The following OLA1 variants were observed in gnomAD, a reference collection of about 807,000 sequenced individuals.
The protein encoded by OLA1 is obg-like ATPase 1.
A neutral mutation model predicts 48.4 loss-of-function variants in OLA1; 14 were observed. The observed-to-expected ratio is 0.29, with a 90% CI of 0.19 to 0.45. The LOEUF is 0.45. Ranked by LOEUF, OLA1 falls within the 20% of genes least tolerant of loss-of-function variation. The pLI is 1.00. For synonymous variants in OLA1, 127 were observed against 150.4 expected (o/e 0.84, Z 1.14); for missense variants, 325 against 467.1 (o/e 0.70, Z 2.80).
At chr2:174,187,558 G>C (rs1335058563) in intron 4 of OLA1, among the ~76,000 whole-genome samples, 1 of 152,158 alleles carries the variant, frequency 6.6e-6, no homozygotes. Context: ...CTCACTGTAG[G>C]GAAGCTGGAT....
At chr2:174,233,417 C>T (rs186904112) in intron 2 of OLA1, among the ~76,000 whole-genome samples, 100 of 152,274 alleles carry the variant, frequency 6.6e-4, no homozygotes, top group African/African-American at 2.3e-3. Flanking sequence ...CTCTGTCACC[C>T]GGCTAGAGTG....
At chr2:174,087,762 C>T (rs1291555276) in intron 7 of OLA1, among the ~76,000 whole-genome samples, 1 of 152,108 alleles carries the variant, frequency 6.6e-6, no homozygotes, top group African/African-American at 2.4e-5. Flanking sequence ...CCACCTCATG[C>T]CTTTCTAACC....
intron 5 of OLA1, among the ~76,000 whole-genome samples, chr2:174,135,292 T>C (rs549590297): frequency 6.6e-6 from 1 of 151,770 alleles, no homozygotes; most frequent in East Asian, 1.9e-4. Context: ...AAAAAAGTAA[T>C]GGTAAGCCAG....
chr2:174,227,771 C>G (rs1256391881), intron 3 of OLA1, among the ~76,000 whole-genome samples: 2 of 151,904 alleles, frequency 1.3e-5, no homozygotes, highest in Admixed American at 1.3e-4. Flanking sequence ...CCTTACAGTA[C>G]AATAGTAACA....
chr2:174,095,172 T>C (rs1432286547), intron 7 of OLA1, among the ~76,000 whole-genome samples: 1 of 152,176 alleles, frequency 6.6e-6, no homozygotes, highest in African/African-American at 2.4e-5. Flanking sequence ...TACCCAGAAG[T>C]GGGCTTGCTG....
intron 5 of OLA1, among the ~76,000 whole-genome samples, chr2:174,126,615 G>C (rs916763079): frequency 1.3e-5 from 2 of 152,230 alleles, no homozygotes; most frequent in African/African-American, 2.4e-5. Flanking sequence ...CCACTTACCA[G>C]GTCTGTGACC....
At chr2:174,235,704 G>A (rs958262266) in intron 2 of OLA1, among the ~76,000 whole-genome samples, 9 of 152,306 alleles carry the variant, frequency 5.9e-5, no homozygotes, top group Admixed American at 3.3e-4. Flanking sequence ...ATTTATGGGA[G>A]AGTATACTAG....
At chr2:174,182,529 A>ACAAAAT (rs1687572349) in intron 4 of OLA1, among the ~76,000 whole-genome samples, 1 of 152,206 alleles carries the variant, frequency 6.6e-6, no homozygotes, top group Non-Finnish European at 1.5e-5. Context: ...CTCCGTCTCA[A>ACAAAAT]AAAAATAAAA....
chr2:174,154,711 GA>G (rs761297653), intron 4 of OLA1, among the ~76,000 whole-genome samples: 1 of 151,844 alleles, frequency 6.6e-6, no homozygotes, highest in Admixed American at 6.6e-5. Flanking sequence ...TTTTTACACC[GA>G]AAAAAATGCA....
chr2:174,148,157 CG>C (rs1296448746), intron 4 of OLA1, among the ~76,000 whole-genome samples: 1 of 152,150 alleles, frequency 6.6e-6, no homozygotes, highest in African/African-American at 2.4e-5. Context: ...GAGGCCGAGG[CG>C]GGCAGATAAC....
intron 3 of OLA1, among the ~76,000 whole-genome samples, chr2:174,226,265 G>A (rs979891188): frequency 2.0e-5 from 3 of 151,934 alleles, no homozygotes; most frequent in Non-Finnish European, 4.4e-5. Flanking sequence ...CTAGGATAAG[G>A]TTTAAACTAT....
intron 7 of OLA1, among the ~76,000 whole-genome samples, chr2:174,121,935 C>A (rs1472254891): frequency 6.6e-6 from 1 of 152,068 alleles, no homozygotes; most frequent in Non-Finnish European, 1.5e-5. Flanking sequence ...CCTCAGGAAA[C>A]CTTACCATTC....
chr2:174,163,711 A>AATAAATAT (rs1687071145), intron 4 of OLA1, among the ~76,000 whole-genome samples: 4 of 34,482 alleles, frequency 1.2e-4, no homozygotes, highest in South Asian at 2.4e-3. Flanking sequence ...TAAATAAATA[A>AATAAATAT]ATATATATAT....
chr2:174,118,020 A>C (rs1330457214), intron 7 of OLA1, among the ~76,000 whole-genome samples: 1 of 152,212 alleles, frequency 6.6e-6, no homozygotes, highest in African/African-American at 2.4e-5. Context: ...GGGAGGCCTC[A>C]GGAAACTTCC....
chr2:174,121,899 T>C (rs1183086941), intron 7 of OLA1, among the ~76,000 whole-genome samples: 1 of 152,188 alleles, frequency 6.6e-6, no homozygotes, highest in Non-Finnish European at 1.5e-5. Context: ...TCATGTAAAC[T>C]TTGATGTCTG....
intron 2 of OLA1, among the ~76,000 whole-genome samples, chr2:174,232,189 C>T (rs1688742679): frequency 6.6e-6 from 1 of 152,138 alleles, no homozygotes; most frequent in Non-Finnish European, 1.5e-5. Context: ...TACTATTTTA[C>T]TCTGTTAAGT....
chr2:174,084,552 A>T (rs970015941), intron 7 of OLA1, among the ~76,000 whole-genome samples: 1 of 152,234 alleles, frequency 6.6e-6, no homozygotes. Flanking sequence ...TGATTTCAAG[A>T]TTATAGACTG....
chr2:174,229,410 G>A lies in OLA1; in HGVS notation c.143C>T (p.Ser48Leu). The A allele has an allele frequency of 6.2e-7, 1 of 1,613,384 alleles. No homozygotes were observed. The highest frequency in any genetic ancestry group is 8.5e-7 in the Non-Finnish European group (1 of 1,179,524). ...AGTGCAGAACGGGAAGTTTTCTGCTGAAGCCTGACTATTGGTTAACACATT... is the reference window on the plus strand; with the variant it reads ...AGTGCAGAACGGGAAGTTTTCTGCTAAAGCCTGACTATTGGTTAACACATT... ...FFNVLTNSQA[S>L]AENFPFCTID... Residue 48 changes from serine to leucine, a missense_variant, in exon 3 of 11, where the codon TCA (serine) becomes TTA (leucine). Coordinates refer to ENST00000284719, the MANE Select transcript of OLA1 (RefSeq NM_013341.5).
At chr2:174,104,733 CA>C (rs1685476591) in intron 7 of OLA1, among the ~76,000 whole-genome samples, 1 of 151,912 alleles carries the variant, frequency 6.6e-6, no homozygotes, top group Non-Finnish European at 1.5e-5. Flanking sequence ...TGAAGCAGCA[CA>C]AAAACTGTTC....
Sources: gnomAD v4.1 joint callset for allele counts (sites outside exome capture counted in the v4.1 genomes callset) on GRCh38, gnomAD v4.1.1 for gene constraint, MANE v1.5 for transcripts, NCBI Gene and HGNC (gene_info 2026-07-23, HGNC 2026-07-21) for gene names.